CXXC1: variants seen among roughly 807,000 people sequenced by gnomAD.
CXXC1 encodes the protein CXXC finger protein 1, also known as CXXC-type zinc finger protein 1.
CXXC1 carries 21 observed loss-of-function variants against 83.6 expected under a neutral mutation model. The observed-to-expected ratio is 0.25, with a 90% CI of 0.18 to 0.36. CXXC1 has a LOEUF of 0.36. CXXC1 is among the 10% of genes least tolerant of loss of function. The pLI, the probability that CXXC1 is intolerant of heterozygous loss-of-function variation, is 1.00. For synonymous variants in CXXC1, 371 were observed against 337.5 expected, an observed-to-expected ratio of 1.10 and a Z score of -1.09; for missense variants, 688 against 919.5, an observed-to-expected ratio of 0.75 and a Z score of 3.26.
In CXXC1 at chr18:50,283,804, A is replaced by G; in HGVS notation, c.1425T>C (p.Gly475=). The change falls in exon 11 of 15, where the codon GGT becomes GGC. Residue 475 remains glycine (G), a synonymous_variant. Transcript: ENST00000285106. ...TCTGCAGGTCTGTGTCATCACTGTC[A>G]CCCTCGTTGCTCTGCATGGAATGGA... ...AVREDEESNE[G]DSDDTDLQIF... is the part of the protein sequence containing the mutation. 6.2e-7 allele frequency: 1 copy of G among 1,614,102 alleles called. No individual in the cohort carries two copies.
Position 50,282,881 on chromosome 18 carries a change from C to T in CXXC1, c.1797G>A (p.Ala599=), listed in dbSNP as rs1488320743. ...CACGCACGCGCTCCAAGTCCACTTC[C>T]GCACGCCGCAGCTTCTCCCAGCAGT... ...RHYCWEKLRR[A]EVDLERVRVW... Residue 599 remains alanine, a synonymous_variant, in exon 14 of 15, where the codon GCG becomes GCA. Coordinates refer to ENST00000285106, the MANE Select transcript of CXXC1 (RefSeq NM_014593.4). The surrounding 1 kb of genome is among the most constrained non-coding windows in gnomAD (Gnocchi z 5.8). 2 of 1,614,186 alleles carry T rather than the reference C, an allele frequency of 1.2e-6. No individual in the cohort carries two copies. Among genetic ancestry groups the T allele is most frequent in the Admixed American group, 1.7e-5 (1 of 60,022 alleles).
chr18:50,283,169 AGT>A, intron 13 of CXXC1, 94 bp downstream of exon 13: 2 of 1,326,966 alleles, frequency 1.5e-6, no homozygotes, highest in South Asian at 2.4e-5. Flanking sequence ...GAGAGGAAAA[AGT>A]GAAGGAAAAG....
rs2040536029 is a variant in CXXC1 at position 50,282,709 on chromosome 18, C to T, written c.1855G>A (p.Glu619Lys). Residue 619 changes from glutamate (E) to lysine (K), a missense_variant, in exon 15 of 15, where the codon GAG (glutamate) becomes AAG (lysine). This residue lies in a region of CXXC1 where 114 missense variants were observed against 173.3 expected (regional missense o/e 0.66). Transcript: ENST00000285106. The surrounding 1 kb of genome is among the most constrained non-coding windows in gnomAD (Gnocchi z 5.8). ...GTCATGGCTGTGCGCACATTGCGCT[C>T]CTGCTCAAACAGCTCGTCCAGCTTG... ...WYKLDELFEQERNVRTAMTNR... is the reference protein window; with the variant it reads ...WYKLDELFEQKRNVRTAMTNR... 6 of 1,613,942 alleles carry T rather than the reference C, an allele frequency of 3.7e-6. No individual in the cohort carries two copies. The highest frequency in any genetic ancestry group is 5.1e-6 in the Non-Finnish European group (6 of 1,180,028).
chr18:50,284,107 G>T lies in CXXC1; in HGVS notation c.1206-6C>A. ...GGAGGATCTCGTAGATGCGGCTGCA[G>T]GGAAGGTAGCAAGCAACAGAATGAG... On this transcript the variant is annotated splice_polypyrimidine_tract_variant and splice_region_variant and intron_variant, in intron 9 of 14. Coordinates refer to ENST00000285106, the MANE Select transcript of CXXC1 (RefSeq NM_014593.4). 6.2e-7 allele frequency: 1 copy of T among 1,601,328 alleles called. No homozygotes were observed.
chr18:50,284,004 G>A lies in CXXC1; in HGVS notation c.1303C>T (p.Arg435Ter), dbSNP rs769161918. 1 of 1,613,182 alleles carries A rather than the reference G, an allele frequency of 6.2e-7. No individual in the cohort carries two copies. Among genetic ancestry groups the A allele is most frequent in the East Asian group, 2.2e-5 (1 of 44,866 alleles). The change falls in exon 10 of 15, where the codon CGA becomes TGA. Residue 435 changes from arginine to a stop codon, truncating the protein, a stop_gained. Transcript: ENST00000285106. LOFTEE classifies it high-confidence loss of function. ...HGKKLLERIRREQQSARTRLQ... is the reference protein window; with the variant it reads ...HGKKLLERIR ...CGAGTGCGGGCACTCTGCTGCTCTC[G>A]GCGAATGCGTTCGAGCAGCTTCTTG...
At chr18:50,283,408 C>G in intron 12 of CXXC1, 47 bp from the exon 13 acceptor site, 4 of 1,599,406 alleles carry the variant, frequency 2.5e-6, no homozygotes, top group Non-Finnish European at 3.4e-6. Flanking sequence ...GAAGGGAGGT[C>G]CATCTGTCCT....
Position 50,283,274 on chromosome 18 carries a change from C to T in CXXC1, c.1662G>A (p.Arg554=), listed in dbSNP as rs768003078. The T allele has an allele frequency of 6.2e-7, 1 of 1,613,844 alleles. No homozygotes were observed. Among genetic ancestry groups the T allele is most frequent in the Non-Finnish European group, 8.5e-7 (1 of 1,179,890 alleles). Residue 554 remains arginine, a synonymous_variant, in exon 13 of 15, where the codon CGG becomes CGA. Coordinates refer to ENST00000285106, the MANE Select transcript of CXXC1 (RefSeq NM_014593.4). ...TGAGGGAAAACCTTACTTTGGGGTCCCGTGAGTGCTCGGGGCACAGCACCT... is the reference window on the plus strand; with the variant it reads ...TGAGGGAAAACCTTACTTTGGGGTCTCGTGAGTGCTCGGGGCACAGCACCT... The part of the protein sequence containing the change: ...RLQVLCPEHS[R]DPKVPADEVC...
In CXXC1 at chr18:50,285,458, C is replaced by T. The variant is rs914353103; in HGVS notation, c.640-107G>A. On this transcript the variant is annotated intron_variant, in intron 5 of 14. Coordinates refer to ENST00000285106, the MANE Select transcript of CXXC1 (RefSeq NM_014593.4). The surrounding 1 kb of genome is among the most constrained non-coding windows in gnomAD (Gnocchi z 4.4). ...CCTTACCTCCCCAGACACACCTCCC[C>T]GCTACCCCTCATTGCCAGGAATGCT... 1.1e-5 allele frequency: 14 copies of T among 1,329,586 alleles called. No homozygotes were observed. Among genetic ancestry groups the T allele is most frequent in the South Asian group, 2.9e-5 (2 of 68,042 alleles). 82.4% of individuals were successfully genotyped at this position (1,329,586 alleles called of 1,614,324 possible).
chr18:50,282,679 G>T lies in CXXC1; in HGVS notation c.1885C>A (p.Arg629Ser). Residue 629 changes from arginine (R) to serine (S), a missense_variant, in exon 15 of 15, where the codon CGC (arginine) becomes AGC (serine). This residue lies in a region of CXXC1 where 114 missense variants were observed against 173.3 expected (regional missense o/e 0.66). Coordinates refer to ENST00000285106, the MANE Select transcript of CXXC1 (RefSeq NM_014593.4). This position sits in a 1 kb window ranked among gnomAD's most constrained non-coding sequence, Gnocchi z 5.8. The stretch of plus-strand genomic sequence containing the variant: ...AGCATCAGGGCCAGCAATCCCGCGC[G>T]GTTTGTCATGGCTGTGCGCACATTG... ...ERNVRTAMTN[R>S]AGLLALMLHQ... is the part of the protein sequence containing the mutation. 1 of 1,613,640 alleles carries T rather than the reference G, an allele frequency of 6.2e-7. No homozygotes were observed. The highest frequency in any genetic ancestry group is 8.5e-7 in the Non-Finnish European group (1 of 1,180,036).
Position 50,287,348 on chromosome 18 carries a change from A to C in CXXC1, c.3+239T>G. 5.4e-6 allele frequency: 3 copies of C among 554,278 alleles called. 1 individual carries two copies. The highest frequency in any genetic ancestry group is 4.4e-5 in the South Asian group (2 of 45,188). 34.3% of individuals were successfully genotyped at this position (554,278 alleles called of 1,614,324 possible). On this transcript the variant is annotated intron_variant, in intron 1 of 14. Transcript: ENST00000285106. Reference sequence around the variant, plus strand: ...TATCCCTCTGCCCTAAGAACCCCCGATCATGGTTTCCCACGGAACTGCCAC... The same window carrying C: ...TATCCCTCTGCCCTAAGAACCCCCGCTCATGGTTTCCCACGGAACTGCCAC...
In CXXC1 at chr18:50,285,497, T is replaced by G. The variant is rs552388000; in HGVS notation, c.640-146A>C. The stretch of plus-strand genomic sequence containing the variant: ...GCCAGGAATGCTCAGCCCTGCCTGA[T>G]CTGTACCAACATGCATGACCACCTG... On this transcript the variant is annotated intron_variant, in intron 5 of 14. Transcript: ENST00000285106. This position sits in a 1 kb window ranked among gnomAD's most constrained non-coding sequence, Gnocchi z 4.4. The G allele has an allele frequency of 5.3e-5, 60 of 1,124,086 alleles. No individual in the cohort carries two copies. The African/African-American group carries it at 8.4e-4, about 16-fold the overall frequency. The allele number at this position is 1,124,086 out of a possible 1,614,324, so 69.6% of individuals were successfully genotyped here.
At chr18:50,287,465 C>T (rs3753067) in intron 1 of CXXC1, 122 bp downstream of exon 1, 97,964 of 1,203,128 alleles carry the variant, frequency 0.081, 4,593 homozygotes, top group East Asian at 0.18. Flanking sequence ...CATAGACTCC[C>T]GCCGTTCAGT....
chr18:50,284,383 T>A lies in CXXC1; in HGVS notation c.1200A>T (p.Ala400=), dbSNP rs766561140. The part of the protein sequence containing the change: ...YCSDDCGMKL[A]ANRIYEILPQ... Reference sequence around the variant, plus strand: ...ACCTCTCAGGAATGACTCACTTGGCTGCCAGCTTCATGCCACAGTCATCTG... The same window carrying A: ...ACCTCTCAGGAATGACTCACTTGGCAGCCAGCTTCATGCCACAGTCATCTG... The change falls in exon 9 of 15, where the codon GCA becomes GCT. Residue 400 remains alanine, a synonymous_variant. Transcript: ENST00000285106. 7.5e-5 allele frequency: 115 copies of A among 1,539,844 alleles called. No homozygotes were observed. The highest frequency in any genetic ancestry group is 5.3e-4 in the Middle Eastern group (3 of 5,702).
Position 50,286,564 on chromosome 18 carries a change from C to G in CXXC1, c.198G>C (p.Arg66=), listed in dbSNP as rs2040718258. The change falls in exon 3 of 15, where the codon CGG becomes CGC. Residue 66 remains arginine (R), a synonymous_variant. Transcript: ENST00000285106. ...CTCTGCACTCCCGACAGTACCACTCCCGGATGGCCTTGGCCATCTTCTCAG... is the reference window on the plus strand; with the variant it reads ...CTCTGCACTCCCGACAGTACCACTCGCGGATGGCCTTGGCCATCTTCTCAG... ...RITEKMAKAI[R]EWYCRECREK... is the part of the protein sequence containing the mutation. 1.9e-6 allele frequency: 3 copies of G among 1,614,114 alleles called. No individual in the cohort carries two copies. Among genetic ancestry groups the G allele is most frequent in the Non-Finnish European group, 2.5e-6 (3 of 1,179,926 alleles).
rs921890548 is a variant in CXXC1, at chr18:50,285,470, T to C, written c.640-119A>G. 2.2e-5 allele frequency: 28 copies of C among 1,250,194 alleles called. No homozygotes were observed. In the East Asian group the frequency reaches 6.8e-4, roughly 30 times the overall value. 77.4% of individuals were successfully genotyped at this position (1,250,194 alleles called of 1,614,324 possible). On this transcript the variant is annotated intron_variant, in intron 5 of 14. Coordinates refer to ENST00000285106, the MANE Select transcript of CXXC1 (RefSeq NM_014593.4). The surrounding 1 kb of genome is among the most constrained non-coding windows in gnomAD (Gnocchi z 4.4). ...AGACACACCTCCCCGCTACCCCTCA[T>C]TGCCAGGAATGCTCAGCCCTGCCTG...
At position 50,286,812 on chromosome 18, in the gene CXXC1, C is replaced by G. The variant is rs778723597; in HGVS notation, c.50G>C (p.Ser17Thr). Reference protein sequence around the residue: ...DPEPPDAGEDSKSENGENAPI... With the variant: ...DPEPPDAGEDTKSENGENAPI... Reference sequence around the variant, plus strand: ...CGCATTCTCCCCATTCTCGGACTTGCTGTCCTCCCCGGCATCTGGAGGCTC... The same window carrying G: ...CGCATTCTCCCCATTCTCGGACTTGGTGTCCTCCCCGGCATCTGGAGGCTC... Residue 17 changes from serine to threonine, a missense_variant, in exon 2 of 15, where the codon AGC (serine) becomes ACC (threonine). This residue lies in a region of CXXC1 where 51 missense variants were observed against 48.0 expected (regional missense o/e 1.06). Transcript: ENST00000285106. 2.4e-5 allele frequency: 39 copies of G among 1,613,980 alleles called. No homozygotes were observed. The highest frequency in any genetic ancestry group is 2.7e-5 in the Non-Finnish European group (32 of 1,179,978).
Position 50,285,664 on chromosome 18 carries a change from T to G in CXXC1, c.639+85A>C, listed in dbSNP as rs1031007595. On this transcript the variant is annotated intron_variant, in intron 5 of 14. Transcript: ENST00000285106. The surrounding 1 kb of genome is among the most constrained non-coding windows in gnomAD (Gnocchi z 4.4). ...TACAGTCAGGCCCAATCCCACCTGGTTTATCCATGCCTAGACTTAACTAAC... is the reference window on the plus strand; with the variant it reads ...TACAGTCAGGCCCAATCCCACCTGGGTTATCCATGCCTAGACTTAACTAAC... The G allele has an allele frequency of 5.3e-6, 8 of 1,512,902 alleles. No individual in the cohort carries two copies. The highest frequency in any genetic ancestry group is 5.2e-5 in the Admixed American group (3 of 57,692). 93.7% of individuals were successfully genotyped at this position (1,512,902 alleles called of 1,614,324 possible).
chr18:50,283,127 G>A (rs2040599211), intron 13 of CXXC1, 121 bp from the exon 14 acceptor site: 1 of 1,298,222 alleles, frequency 7.7e-7, no homozygotes, highest in Non-Finnish European at 1.1e-6. Flanking sequence ...GCATGGAAAA[G>A]GAGGAATGGA....
chr18:50,282,491 C>G lies in CXXC1; in HGVS notation c.*102G>C. The G allele has an allele frequency of 6.9e-7, 1 of 1,454,768 alleles. No homozygotes were observed. The highest frequency in any genetic ancestry group is 9.4e-7 in the Non-Finnish European group (1 of 1,061,824). 90.1% of individuals were successfully genotyped at this position (1,454,768 alleles called of 1,614,324 possible). ...TGGGCGGTCAACCGGTGGATGGGCACAGGGAGAACCGGAGAAACAGATGAG... is the reference window on the plus strand; with the variant it reads ...TGGGCGGTCAACCGGTGGATGGGCAGAGGGAGAACCGGAGAAACAGATGAG... On this transcript the variant is annotated 3_prime_UTR_variant, in exon 15 of 15. Transcript: ENST00000285106. The surrounding 1 kb of genome is among the most constrained non-coding windows in gnomAD (Gnocchi z 5.8).
Sources: allele counts gnomAD v4.1 joint callset, GRCh38; gene constraint gnomAD v4.1.1; regional missense constraint gnomAD v4.1.1; non-coding constraint Gnocchi (gnomAD v3.1); transcripts MANE v1.5; gene names NCBI Gene and HGNC (gene_info 2026-07-23, HGNC 2026-07-21).